Variants in ADAD1 observed in about 807,000 individuals in gnomAD.
ADAD1 encodes adenosine deaminase domain containing 1.
In ADAD1, 46 loss-of-function variants were observed where a neutral mutation model predicts 66.8. That is an observed-to-expected ratio of 0.69 (90% confidence interval 0.54 to 0.88). The LOEUF is 0.88. Ranked by LOEUF, ADAD1 falls within the 40% of genes least tolerant of loss-of-function variation. The pLI is 0.00. For synonymous variants in ADAD1, 248 were observed against 229.4 expected, an observed-to-expected ratio of 1.08 and a Z score of -0.73; for missense variants, 617 against 681.8, an observed-to-expected ratio of 0.91 and a Z score of 1.06.
intron 12 of ADAD1, among the ~76,000 whole-genome samples, chr4:122,422,281 T>C (rs1580810016): frequency 6.6e-6 from 1 of 152,054 alleles, no homozygotes; most frequent in African/African-American, 2.4e-5. Context: ...CACACCACCA[T>C]GCTGGGCTAA....
chr4:122,423,661 A>G (rs1331731488), intron 12 of ADAD1, among the ~76,000 whole-genome samples: 1 of 152,216 alleles, frequency 6.6e-6, no homozygotes, highest in Non-Finnish European at 1.5e-5. Flanking sequence ...CTTTCTATAA[A>G]ACTACAGTAA....
intron 5 of ADAD1, among the ~76,000 whole-genome samples, chr4:122,392,984 A>G (rs1795524474): frequency 6.7e-6 from 1 of 149,828 alleles, no homozygotes. Flanking sequence ...AGAGAAACTG[A>G]CTACTTTAAT....
chr4:122,402,429 C>T (rs1198416339), intron 7 of ADAD1, among the ~76,000 whole-genome samples: 4 of 152,078 alleles, frequency 2.6e-5, no homozygotes, highest in African/African-American at 7.2e-5. Context: ...TCTTAAGATT[C>T]TTTCCTTCAT....
intron 5 of ADAD1, among the ~76,000 whole-genome samples, chr4:122,387,675 T>G (rs1795237275): frequency 6.6e-6 from 1 of 152,112 alleles, no homozygotes; most frequent in African/African-American, 2.4e-5. Context: ...TATATTGGCT[T>G]TGGTTTGTCA....
chr4:122,393,556 T>C, intron 5 of ADAD1, 33 bp from the exon 6 acceptor site: 1 of 1,536,312 alleles, frequency 6.5e-7, no homozygotes, highest in South Asian at 1.3e-5. Context: ...TGTTGAAGTT[T>C]CATGTTTCCT....
At chr4:122,395,360 A>G (rs1007001091) in intron 6 of ADAD1, among the ~76,000 whole-genome samples, 3 of 151,956 alleles carry the variant, frequency 2.0e-5, no homozygotes, top group African/African-American at 4.8e-5. Flanking sequence ...CTACTTTGCT[A>G]TATGTTTCTA....
At chr4:122,403,283 G>A (rs1249680178) in intron 7 of ADAD1, among the ~76,000 whole-genome samples, 1 of 152,174 alleles carries the variant, frequency 6.6e-6, no homozygotes. Context: ...CCATCCAGCA[G>A]GATTACCGGG....
At chr4:122,417,337 T>TAAAAAAA (rs78147212) in intron 11 of ADAD1, among the ~76,000 whole-genome samples, 1 of 94,060 alleles carries the variant, frequency 1.1e-5, no homozygotes, top group African/African-American at 3.8e-5. Flanking sequence ...CCTCCATCTT[T>TAAAAAAA]AAAAAAAAAA....
chr4:122,380,090 G>C lies in ADAD1; in HGVS notation c.21G>C (p.Trp7Cys). Residue 7 changes from tryptophan (W) to cysteine (C), a missense_variant, in exon 3 of 13, where the codon TGG becomes TGC. Coordinates refer to ENST00000296513, the MANE Select transcript of ADAD1 (RefSeq NM_139243.4). MASNNH[W>C]FQSSQVPSFA... is the part of the protein sequence containing the mutation. Reference sequence around the variant, plus strand: ...AGAAAATGGCTAGCAACAATCATTGGTTTCAGAGTTCGCAGGTCCCCAGCT... The same window carrying C: ...AGAAAATGGCTAGCAACAATCATTGCTTTCAGAGTTCGCAGGTCCCCAGCT... 6.2e-7 allele frequency: 1 copy of C among 1,613,144 alleles called. No individual in the cohort carries two copies. Among genetic ancestry groups the C allele is most frequent in the Non-Finnish European group, 8.5e-7 (1 of 1,179,742 alleles).
Position 122,418,845 on chromosome 4 carries a change from C to T in ADAD1, c.1488-2416C>T, listed in dbSNP as rs371676285. ...GCCACAATGAGATACTATCTCACAC[C>T]AATCAGAATGGCTATTATCAAAAAG... On this transcript the variant is annotated intron_variant, in intron 11 of 12. Coordinates refer to ENST00000296513, the MANE Select transcript of ADAD1 (RefSeq NM_139243.4). Among the ~76,000 whole-genome samples the T allele has an allele frequency of 5.5e-4, 84 of 152,198 alleles. 3 individuals are homozygous for T. In the South Asian group the frequency reaches 0.016, roughly 30 times the overall value.
intron 4 of ADAD1, 108 bp downstream of exon 4, chr4:122,381,288 A>G (rs776768283): frequency 2.7e-5 from 30 of 1,121,382 alleles, no homozygotes; most frequent in Non-Finnish European, 3.6e-5. Flanking sequence ...AACTGATTGT[A>G]TGTTTTCACA....
chr4:122,387,819 G>A (rs932068507), intron 5 of ADAD1, among the ~76,000 whole-genome samples: 2 of 151,656 alleles, frequency 1.3e-5, no homozygotes, highest in Non-Finnish European at 2.9e-5. Flanking sequence ...GAGTGCAATG[G>A]CATGATCTCG....
At chr4:122,407,248 GA>G (rs34089566) in intron 7 of ADAD1, among the ~76,000 whole-genome samples, 68,925 of 151,654 alleles carry the variant, frequency 0.45, 16,409 homozygotes, top group Middle Eastern at 0.62. Flanking sequence ...GGAATATGGG[GA>G]AAAAAAAGAG....
intron 11 of ADAD1, among the ~76,000 whole-genome samples, chr4:122,419,270 A>G (rs945469481): frequency 6.6e-6 from 1 of 152,232 alleles, no homozygotes; most frequent in South Asian, 2.1e-4. Context: ...TAGCAAATGA[A>G]CATGGGAACA....
Position 122,421,241 on chromosome 4 carries a change from T to C in ADAD1, c.1488-20T>C. ...ATTACTGAAAAAGAAATTTAAAAAA[T>C]TTTATTTCTCTCTGCTTAGTTCCCC... On this transcript the variant is annotated intron_variant, in intron 11 of 12. Coordinates refer to ENST00000296513, the MANE Select transcript of ADAD1 (RefSeq NM_139243.4). The C allele has an allele frequency of 6.6e-7, 1 of 1,512,502 alleles. No individual in the cohort carries two copies. The highest frequency in any genetic ancestry group is 8.9e-7 in the Non-Finnish European group (1 of 1,123,284). The allele number at this position is 1,512,502 out of a possible 1,614,324, so 93.7% of individuals were successfully genotyped here. A position where few individuals can be genotyped will look rare whatever the true frequency, so the allele number is the denominator to read the frequency against.
intron 11 of ADAD1, among the ~76,000 whole-genome samples, chr4:122,418,306 CTTTTTTTTTT>C (rs10527795): frequency 4.2e-5 from 4 of 94,654 alleles, no homozygotes; most frequent in African/African-American, 1.3e-4. Flanking sequence ...ACGTTATTTT[CTTTTTTTTTT>C]TTTTTTTTTT....
At chr4:122,399,069 C>A (rs1795848262) in intron 7 of ADAD1, among the ~76,000 whole-genome samples, 1 of 152,018 alleles carries the variant, frequency 6.6e-6, no homozygotes, top group African/African-American at 2.4e-5. Flanking sequence ...AGAGTTTTTC[C>A]AATGTTATCT....
intron 7 of ADAD1, among the ~76,000 whole-genome samples, chr4:122,402,013 A>C (rs1403235573): frequency 6.6e-6 from 1 of 151,512 alleles, no homozygotes; most frequent in African/African-American, 2.4e-5. Flanking sequence ...GATATAGGGT[A>C]CTGTTCTATT....
intron 10 of ADAD1, among the ~76,000 whole-genome samples, chr4:122,413,661 T>C (rs1228587500): frequency 6.6e-6 from 1 of 151,888 alleles, no homozygotes; most frequent in Non-Finnish European, 1.5e-5. Context: ...AAATCCACTT[T>C]AAATATAGTT....
Sources: gnomAD v4.1 joint callset for allele counts (sites outside exome capture counted in the v4.1 genomes callset) on GRCh38, gnomAD v4.1.1 for gene constraint, MANE v1.5 for transcripts, NCBI Gene and HGNC (gene_info 2026-07-23, HGNC 2026-07-21) for gene names.